The following COQ6 variants were observed in gnomAD, a reference collection of about 807,000 sequenced individuals.
COQ6 encodes the protein ubiquinone biosynthesis monooxygenase COQ6, mitochondrial.
COQ6 carries 45 observed loss-of-function variants against 55.5 expected under a neutral mutation model. That is an observed-to-expected ratio of 0.81 (90% CI 0.64 to 1.04). The LOEUF is 1.04. Ranked by LOEUF, COQ6 falls within the 50% of genes least tolerant of loss-of-function variation. The probability of loss-of-function intolerance (pLI) is 0.00; values close to 1 mark genes in which losing one functional copy is unlikely to be tolerated. For synonymous variants in COQ6, 206 were observed against 230.5 expected (o/e 0.89, Z 0.96); for missense variants, 550 against 601.3 (o/e 0.91, Z 0.89).
In COQ6 at chr14:73,961,269, C is replaced by T. The variant is rs2056716200; in HGVS notation, c.988C>T (p.Gln330Ter). 6.2e-7 allele frequency: 1 copy of T among 1,614,048 alleles called. No homozygotes were observed. The highest frequency in any genetic ancestry group is 1.3e-5 in the African/African-American group (1 of 74,932). ...LLKPTKVSARQLPPSVARVDA... is the reference protein window; with the variant it reads ...LLKPTKVSAR Reference sequence around the variant, plus strand: ...GAAGCCCACTAAGGTCTCGGCTCGCCAGCTGCCCCCAAGCGTAGCCAGGGT... The same window carrying T: ...GAAGCCCACTAAGGTCTCGGCTCGCTAGCTGCCCCCAAGCGTAGCCAGGGT... Residue 330 changes from glutamine to a stop codon, truncating the protein, a stop_gained, in exon 9 of 12, where the codon CAG becomes TAG. Coordinates refer to ENST00000334571, the MANE Select transcript of COQ6 (RefSeq NM_182476.3). LOFTEE classifies it high-confidence loss of function.
At chr14:73,950,210 G>T, upstream of COQ6, 1 of 1,543,548 alleles carries the variant, frequency 6.5e-7, no homozygotes, top group Non-Finnish European at 8.7e-7. Context: ...TATTTTCTCC[G>T]CGCATTTTAT....
Position 73,959,238 on chromosome 14 carries a change from C to T in COQ6, c.783+14C>T. On this transcript the variant is annotated intron_variant, in intron 7 of 11. Coordinates refer to ENST00000334571, the MANE Select transcript of COQ6 (RefSeq NM_182476.3). ...GCTCTGCTCCCGGTAAGAGGTCCTT[C>T]TGACCAGTCCGCCCACATGCATGCA... 1 of 1,614,240 alleles carries T rather than the reference C, an allele frequency of 6.2e-7. No individual in the cohort carries two copies. Among genetic ancestry groups the T allele is most frequent in the South Asian group, 1.1e-5 (1 of 91,088 alleles).
At chr14:73,961,637 G>C (rs1358142854) in intron 10 of COQ6, 67 bp downstream of exon 10, 1 of 1,600,684 alleles carries the variant, frequency 6.2e-7, no homozygotes, top group Non-Finnish European at 8.6e-7. Flanking sequence ...AGGGCCCACA[G>C]TAGCAAGAGG....
chr14:73,962,670 A>T, intron 11 of COQ6: 3 of 310,346 alleles, frequency 9.7e-6, no homozygotes, highest in Non-Finnish European at 1.7e-5. Flanking sequence ...GTTTTTTCTG[A>T]TGGGTGCAGT....
rs2140434718 is a variant in COQ6, at chr14:73,963,572, G to A, written c.*573G>A. The A allele has an allele frequency of 6.3e-6, 1 of 157,878 alleles. No homozygotes were observed. The highest frequency in any genetic ancestry group is 1.9e-4 in the South Asian group (1 of 5,270). The allele number at this position is 157,878 out of a possible 1,614,324, so 9.8% of individuals were successfully genotyped here. ...CATTTTATTTATGGTTCCTCTCTGG[G>A]ACACCACTGTCGGTTTAATAAAACA... On this transcript the variant is annotated 3_prime_UTR_variant, in exon 12 of 12. Transcript: ENST00000334571.
At position 73,958,147 on chromosome 14, in the gene COQ6, A is replaced by AC; in HGVS notation, c.484dup (p.Arg162ProfsTer34). 2 of 1,613,770 alleles carry AC rather than the reference A, an allele frequency of 1.2e-6. No homozygotes were observed. The highest frequency in any genetic ancestry group is 1.7e-6 in the Non-Finnish European group (2 of 1,179,898). On this transcript the variant is annotated frameshift_variant and splice_region_variant, in exon 5 of 12. Transcript: ENST00000334571. LOFTEE classifies it high-confidence loss of function. The stretch of plus-strand genomic sequence containing the variant: ...TTTTCCTCTCTTTTGACCTCCCCAG[A>AC]CCGAGTGACGGTTCTCTACAGGAGC...
In COQ6 at chr14:73,957,137, G is replaced by A. The variant is rs572114542; in HGVS notation, c.482-1010G>A. Among the ~76,000 whole-genome samples, 16 of 149,994 alleles carry A rather than the reference G, an allele frequency of 1.1e-4. 1 individual carries two copies. Among genetic ancestry groups the A allele is most frequent in the Non-Finnish European group, 1.2e-4 (8 of 67,722 alleles). ...TTTGGAGATGGAGTCTCGCTCTGTCGCCCAGGCTGGAGTGCAGTGGCACAG... is the reference window on the plus strand; with the variant it reads ...TTTGGAGATGGAGTCTCGCTCTGTCACCCAGGCTGGAGTGCAGTGGCACAG... On this transcript the variant is annotated intron_variant, in intron 4 of 11. Coordinates refer to ENST00000334571, the MANE Select transcript of COQ6 (RefSeq NM_182476.3).
intron 11 of COQ6, 39 bp downstream of exon 11, chr14:73,961,942 C>T: frequency 6.2e-7 from 1 of 1,610,682 alleles, no homozygotes; most frequent in East Asian, 2.2e-5. Flanking sequence ...GCAAACAGCT[C>T]TTAATTTCTT....
intron 2 of COQ6, among the ~76,000 whole-genome samples, chr14:73,954,855 A>C (rs1163712702): frequency 1.3e-5 from 2 of 150,902 alleles, no homozygotes; most frequent in African/African-American, 2.4e-5. Context: ...AAAAAAAAAA[A>C]AAAAAAATAC....
At position 73,951,980 on chromosome 14, in the gene COQ6, CAAAA is replaced by C. The variant is rs71115933; in HGVS notation, c.164-1436_164-1433del. On this transcript the variant is annotated intron_variant, in intron 1 of 11. Transcript: ENST00000334571. ...GCAACAAGAGCGAAACTCGATATCT[CAAAA>C]AAAAAAAAAAAAAAAAAAGAAGATA... Among the ~76,000 whole-genome samples, 249 of 79,756 alleles carry C rather than the reference CAAAA, an allele frequency of 3.1e-3. 2 individuals are homozygous for C. The highest frequency in any genetic ancestry group is 4.7e-3 in the Non-Finnish European group (192 of 40,934). 52.3% of individuals were successfully genotyped at this position (79,756 alleles called of 152,430 possible).
chr14:73,954,688 A>C (rs2056335027), intron 2 of COQ6, among the ~76,000 whole-genome samples: 1 of 151,400 alleles, frequency 6.6e-6, no homozygotes. Flanking sequence ...CTAAAAATAC[A>C]AAAAAATGAG....
chr14:73,957,720 C>T (rs112103871), intron 4 of COQ6, among the ~76,000 whole-genome samples: 5 of 152,080 alleles, frequency 3.3e-5, no homozygotes, highest in Non-Finnish European at 5.9e-5. Context: ...ATGAGCCACC[C>T]GTGCCTGGCC....
intron 4 of COQ6, chr14:73,956,884 G>T (rs1305085905): frequency 1.3e-5 from 2 of 152,052 alleles, no homozygotes; most frequent in Non-Finnish European, 2.9e-5. Flanking sequence ...AAGATAATTT[G>T]AATCTAAAAT....
At chr14:73,950,133 G>A (rs17094161), upstream of COQ6, 5,009 of 1,598,314 alleles carry the variant, frequency 3.1e-3, 136 homozygotes, top group African/African-American at 0.055. Flanking sequence ...TTTGGCGTCT[G>A]GTTGGCTTCC....
intron 8 of COQ6, chr14:73,960,776 T>G: frequency 2.6e-6 from 1 of 391,928 alleles, no homozygotes; most frequent in Admixed American, 4.0e-5. Context: ...ACTGGAGGAG[T>G]TAAAAAGAGG....
Position 73,963,357 on chromosome 14 carries a change from C to T in COQ6, c.*358C>T, listed in dbSNP as rs1203852547. 2 of 386,212 alleles carry T rather than the reference C, an allele frequency of 5.2e-6. No individual in the cohort carries two copies. The highest frequency in any genetic ancestry group is 9.2e-6 in the Non-Finnish European group (2 of 217,426). 23.9% of individuals were successfully genotyped at this position (386,212 alleles called of 1,614,324 possible). A position where few individuals can be genotyped will look rare whatever the true frequency, so the allele number is the denominator to read the frequency against. On this transcript the variant is annotated 3_prime_UTR_variant, in exon 12 of 12. Transcript: ENST00000334571. ...TTTTAATGTTGGTCATAAATTTATA[C>T]AGTTGTTTTTTGATAGAGGTAAGAA... is the stretch of plus-strand genomic sequence containing the variant.
intron 4 of COQ6, among the ~76,000 whole-genome samples, chr14:73,957,101 A>ATTT (rs1418106208): frequency 1.4e-5 from 2 of 143,524 alleles, no homozygotes; most frequent in South Asian, 2.2e-4. Flanking sequence ...TATTATTATT[A>ATTT]TTTTTTTTTT....
rs546731353 is a variant in COQ6, at chr14:73,963,000, G to A, written c.*1G>A. The A allele has an allele frequency of 2.1e-5, 34 of 1,606,986 alleles. No individual in the cohort carries two copies. In the South Asian group the frequency reaches 3.1e-4, roughly 15 times the overall value. On this transcript the variant is annotated 3_prime_UTR_variant, in exon 12 of 12. Coordinates refer to ENST00000334571, the MANE Select transcript of COQ6 (RefSeq NM_182476.3). The stretch of plus-strand genomic sequence containing the variant: ...GATTATGGCCTTTGCAAGCAAATGA[G>A]TACTCCTCTCCTAAAGAAAGATTAC...
intron 4 of COQ6, 63 bp from the exon 5 acceptor site, chr14:73,958,084 C>A: frequency 7.3e-7 from 1 of 1,376,748 alleles, no homozygotes; most frequent in Non-Finnish European, 1.0e-6. Flanking sequence ...TTAGTTATGG[C>A]TTTTTCCTCA....
Sources: gnomAD v4.1 joint callset for allele counts (sites outside exome capture counted in the v4.1 genomes callset) on GRCh38, gnomAD v4.1.1 for gene constraint, MANE v1.5 for transcripts, NCBI Gene and HGNC (gene_info 2026-07-23, HGNC 2026-07-21) for gene names.